The following CNIH4 variants were observed in gnomAD, a reference collection of about 807,000 sequenced individuals.
CNIH4 encodes the protein protein cornichon homolog 4.
CNIH4 carries 9 observed loss-of-function variants against 21.5 expected under a neutral mutation model. The observed-to-expected ratio is 0.42, with a 90% CI of 0.25 to 0.73. The LOEUF (loss-of-function observed/expected upper bound fraction) is 0.73, where lower values mean the gene tolerates loss of function less well. CNIH4 is among the 30% of genes least tolerant of loss of function. CNIH4 has a pLI of 0.27. For synonymous variants in CNIH4, 67 were observed against 59.1 expected, an observed-to-expected ratio of 1.13 and a Z score of -0.61; for missense variants, 159 against 170.0, an observed-to-expected ratio of 0.94 and a Z score of 0.36.
chr1:224,374,324 A>T (rs1248055270), intron 4 of CNIH4, among the ~76,000 whole-genome samples: 2 of 152,060 alleles, frequency 1.3e-5, no homozygotes, highest in African/African-American at 4.8e-5. Context: ...AGAATGGGGG[A>T]ATCTATGCTT....
At chr1:224,359,524 T>C (rs1672212556) in intron 1 of CNIH4, among the ~76,000 whole-genome samples, 1 of 152,116 alleles carries the variant, frequency 6.6e-6, no homozygotes, top group Admixed American at 6.6e-5. Context: ...ATAAAACAAA[T>C]TGGAGGAAGA....
intron 1 of CNIH4, among the ~76,000 whole-genome samples, chr1:224,359,627 G>A (rs1672216480): frequency 1.3e-5 from 2 of 152,184 alleles, no homozygotes; most frequent in Non-Finnish European, 2.9e-5. Flanking sequence ...CTGGAGTGCA[G>A]TGGCGCAATC....
rs1466516745 is a variant in CNIH4 at position 224,378,529 on chromosome 1, G to A, written c.*2707G>A. The A allele has an allele frequency of 2.0e-5, 3 of 153,286 alleles. No individual in the cohort carries two copies. The highest frequency in any genetic ancestry group is 4.4e-5 in the Non-Finnish European group (3 of 68,636). The allele number at this position is 153,286 out of a possible 1,614,324, so 9.5% of individuals were successfully genotyped here. ...TCCCAAAGATAAACTGAGGCCTAGA[G>A]ATCGTTCAGGGTGTTGTAACTGGGA... is the stretch of plus-strand genomic sequence containing the variant. On this transcript the variant is annotated 3_prime_UTR_variant, in exon 5 of 5. Coordinates refer to ENST00000465271, the MANE Select transcript of CNIH4 (RefSeq NM_014184.4).
intron 1 of CNIH4, 89 bp downstream of exon 1, chr1:224,357,082 G>C (rs1461775554): frequency 6.8e-7 from 1 of 1,462,154 alleles, no homozygotes; most frequent in Non-Finnish European, 9.4e-7. Context: ...TGTGGGACTA[G>C]GGAGGCGCCC....
chr1:224,364,054 A>G (rs1167260060), intron 2 of CNIH4: 4 of 985,280 alleles, frequency 4.1e-6, no homozygotes, highest in Non-Finnish European at 4.8e-6. Context: ...CTTGGTTGAA[A>G]GTCAGTAAAC....
At chr1:224,363,216 G>T (rs1023721012) in intron 2 of CNIH4, among the ~76,000 whole-genome samples, 4 of 151,836 alleles carry the variant, frequency 2.6e-5, no homozygotes, top group African/African-American at 9.7e-5. Flanking sequence ...GCTAATTTTT[G>T]TATTTTTAAT....
chr1:224,376,335 A>C lies in CNIH4; in HGVS notation c.*513A>C. 2.0e-6 allele frequency: 2 copies of C among 985,406 alleles called. No individual in the cohort carries two copies. Among genetic ancestry groups the C allele is most frequent in the Non-Finnish European group, 2.4e-6 (2 of 829,852 alleles). 61.0% of individuals were successfully genotyped at this position (985,406 alleles called of 1,614,324 possible). On this transcript the variant is annotated 3_prime_UTR_variant, in exon 5 of 5. Coordinates refer to ENST00000465271, the MANE Select transcript of CNIH4 (RefSeq NM_014184.4). ...GTCAGCTAAAAGTCTTTTCACAAGA[A>C]TGTCAACAGAGAATGGCATCTCAAA...
At chr1:224,359,614 A>C (rs556270511) in intron 1 of CNIH4, among the ~76,000 whole-genome samples, 1 of 152,324 alleles carries the variant, frequency 6.6e-6, no homozygotes, top group Non-Finnish European at 1.5e-5. Context: ...ACTGTCACCC[A>C]GGCTGGAGTG....
intron 2 of CNIH4, 120 bp downstream of exon 2, chr1:224,360,683 G>C (rs1672261579): frequency 4.4e-6 from 2 of 451,164 alleles, no homozygotes; most frequent in Admixed American, 4.0e-5. Flanking sequence ...TTATTCATTG[G>C]AAATTTGATG....
intron 4 of CNIH4, 51 bp from the exon 5 acceptor site, chr1:224,375,744 T>C (rs753172732): frequency 8.7e-6 from 14 of 1,611,048 alleles, no homozygotes; most frequent in African/African-American, 2.7e-5. Context: ...CCAGGCTCTG[T>C]AGGAACATTC....
At chr1:224,370,985 T>C (rs1227627445) in intron 3 of CNIH4, among the ~76,000 whole-genome samples, 1 of 151,898 alleles carries the variant, frequency 6.6e-6, no homozygotes, top group Non-Finnish European at 1.5e-5. Flanking sequence ...CAGGTGATTA[T>C]CCTGCCTCAG....
chr1:224,379,219 C>T lies in CNIH4; in HGVS notation c.*3397C>T, dbSNP rs77770374. 8.6e-3 allele frequency: 8,121 copies of T among 943,598 alleles called. 69 individuals carry two copies. The highest frequency in any genetic ancestry group is 0.01 in the Non-Finnish European group (6,228 of 604,434). 58.5% of individuals were successfully genotyped at this position (943,598 alleles called of 1,614,324 possible). Reference sequence around the variant, plus strand: ...CAGACTACAGTAGGACAAAACCTGACCTGGTCTTTGAAGTTAAGAGCTAAG... The same window carrying T: ...CAGACTACAGTAGGACAAAACCTGATCTGGTCTTTGAAGTTAAGAGCTAAG... On this transcript the variant is annotated 3_prime_UTR_variant, in exon 5 of 5. Coordinates refer to ENST00000465271, the MANE Select transcript of CNIH4 (RefSeq NM_014184.4).
chr1:224,358,795 C>T (rs1471948545), intron 1 of CNIH4, among the ~76,000 whole-genome samples: 1 of 152,140 alleles, frequency 6.6e-6, no homozygotes, highest in Non-Finnish European at 1.5e-5. Flanking sequence ...CCAATTTATG[C>T]ATTTAGAGAA....
In CNIH4 at chr1:224,379,359, C is replaced by A; in HGVS notation, c.*3537C>A. On this transcript the variant is annotated 3_prime_UTR_variant, in exon 5 of 5. Coordinates refer to ENST00000465271, the MANE Select transcript of CNIH4 (RefSeq NM_014184.4). Reference sequence around the variant, plus strand: ...GTATGTTCCTGGAGGGCAGAATATGCCCATTCATATTTGTATCTTCTTCCT... The same window carrying A: ...GTATGTTCCTGGAGGGCAGAATATGACCATTCATATTTGTATCTTCTTCCT... The A allele has an allele frequency of 4.2e-6, 2 of 478,512 alleles. No homozygotes were observed. The highest frequency in any genetic ancestry group is 4.9e-5 in the South Asian group (2 of 40,526). The allele number at this position is 478,512 out of a possible 1,614,324, so 29.6% of individuals were successfully genotyped here.
At chr1:224,374,600 A>C (rs1672728874) in intron 4 of CNIH4, among the ~76,000 whole-genome samples, 1 of 149,812 alleles carries the variant, frequency 6.7e-6, no homozygotes, top group African/African-American at 2.5e-5. Context: ...TCTTTAGTAG[A>C]GTCAGGGTTT....
Position 224,379,168 on chromosome 1 carries a change from C to A in CNIH4, c.*3346C>A. 2 of 1,449,656 alleles carry A rather than the reference C, an allele frequency of 1.4e-6. No individual in the cohort carries two copies. The highest frequency in any genetic ancestry group is 1.9e-6 in the Non-Finnish European group (2 of 1,055,430). The allele number at this position is 1,449,656 out of a possible 1,614,324, so 89.8% of individuals were successfully genotyped here. A position where few individuals can be genotyped will look rare whatever the true frequency, so the allele number is the denominator to read the frequency against. On this transcript the variant is annotated 3_prime_UTR_variant, in exon 5 of 5. Coordinates refer to ENST00000465271, the MANE Select transcript of CNIH4 (RefSeq NM_014184.4). Reference sequence around the variant, plus strand: ...CAGTTCATCAAAGCCTAGCAGGTCCCCTCAGCTGCCTTTTCATGCCTGCCA... The same window carrying A: ...CAGTTCATCAAAGCCTAGCAGGTCCACTCAGCTGCCTTTTCATGCCTGCCA...
intron 2 of CNIH4, 126 bp from the exon 3 acceptor site, chr1:224,365,753 G>A (rs1672432598): frequency 2.9e-6 from 2 of 699,580 alleles, no homozygotes; most frequent in African/African-American, 3.5e-5. Context: ...GGACATGGGA[G>A]TCTAAAAATA....
chr1:224,375,686 T>G, intron 4 of CNIH4, 109 bp from the exon 5 acceptor site: 1 of 1,195,752 alleles, frequency 8.4e-7, no homozygotes. Context: ...TGTCTTTTAC[T>G]CAAATGATTG....
Position 224,376,179 on chromosome 1 carries a change from G to T in CNIH4, c.*357G>T. On this transcript the variant is annotated 3_prime_UTR_variant, in exon 5 of 5. Transcript: ENST00000465271. The stretch of plus-strand genomic sequence containing the variant: ...CAAACTGAAGAGATGAGCGAGCAAA[G>T]GTGCCCTTCAGGTCTACTGAAAAGT... 1 of 1,017,980 alleles carries T rather than the reference G, an allele frequency of 9.8e-7. No individual in the cohort carries two copies. Among genetic ancestry groups the T allele is most frequent in the Non-Finnish European group, 1.2e-6 (1 of 851,580 alleles). 63.1% of individuals were successfully genotyped at this position (1,017,980 alleles called of 1,614,324 possible).
Sources: gnomAD v4.1 joint callset for allele counts (sites outside exome capture counted in the v4.1 genomes callset) on GRCh38, gnomAD v4.1.1 for gene constraint, MANE v1.5 for transcripts, NCBI Gene and HGNC (gene_info 2026-07-23, HGNC 2026-07-21) for gene names.